WDHD1: variants seen among roughly 807,000 people sequenced by gnomAD.
WDHD1 encodes WD repeat and HMG-box DNA-binding protein 1.
In WDHD1, 111 loss-of-function variants were observed where a neutral mutation model predicts 135.4. The ratio of observed to expected loss-of-function variants is 0.82; its 90% CI spans 0.70 to 0.96. The LOEUF is 0.96. Among genes scored for constraint, WDHD1 ranks in the 40% least tolerant of loss-of-function variants. The pLI is 0.00. For missense variants in WDHD1, 1,351 were observed against 1,336.3 expected, an observed-to-expected ratio of 1.01 and a Z score of -0.17; for synonymous variants, 434 against 439.0, an observed-to-expected ratio of 0.99 and a Z score of 0.14.
At chr14:54,985,464 C>A (rs1161342875) in intron 14 of WDHD1, among the ~76,000 whole-genome samples, 1 of 152,088 alleles carries the variant, frequency 6.6e-6, no homozygotes, top group African/African-American at 2.4e-5. Flanking sequence ...ATGGCCAGAA[C>A]ATGGTAATGA....
intron 11 of WDHD1, among the ~76,000 whole-genome samples, chr14:54,995,151 T>A (rs1336457447): frequency 4.6e-5 from 7 of 152,038 alleles, no homozygotes; most frequent in African/African-American, 1.7e-4. Flanking sequence ...CCAGCTAATT[T>A]TTGTATTTTT....
At chr14:55,005,180 G>C (rs528863605) in intron 7 of WDHD1, 7 of 540,312 alleles carry the variant, frequency 1.3e-5, no homozygotes, top group African/African-American at 1.1e-4. Context: ...CAATCCCACT[G>C]AGTGAGCTCC....
rs111421531 is a variant in WDHD1, at chr14:55,013,893, C to A, written c.78-297G>T. On this transcript the variant is annotated intron_variant, in intron 2 of 25. Transcript: ENST00000360586. The stretch of plus-strand genomic sequence containing the variant: ...CTGCACTCCAGCCTGGGCAACAGAG[C>A]AAGACTCTATCTCAAGGAAAAAAAA... Among the ~76,000 whole-genome samples the A allele has an allele frequency of 6.4e-3, 977 of 151,796 alleles. 12 individuals are homozygous for A. The highest frequency in any genetic ancestry group is 0.022 in the African/African-American group (912 of 41,396).
In WDHD1 at chr14:54,941,517, TA is replaced by T. The variant is rs1460225815; in HGVS notation, c.3362del (p.Leu1121HisfsTer14). On this transcript the variant is annotated frameshift_variant, in exon 26 of 26. Transcript: ENST00000360586. LOFTEE classifies it high-confidence loss of function. ...ACTCCTGCTTAAATGCAAAAGCTGA[TA>T]GTTTCTGATTTGTAGAAAAATCTAA... ...KPLDFSTNQK[L>X]SAFAFKQE The T allele has an allele frequency of 6.2e-7, 1 of 1,612,478 alleles. No individual in the cohort carries two copies. The highest frequency in any genetic ancestry group is 2.2e-5 in the East Asian group (1 of 44,860).
At chr14:54,982,427 T>C (rs564962985) in intron 15 of WDHD1, among the ~76,000 whole-genome samples, 1 of 152,334 alleles carries the variant, frequency 6.6e-6, no homozygotes, top group Non-Finnish European at 1.5e-5. Flanking sequence ...ACGAAATTTA[T>C]CTTTAGTACT....
At chr14:55,020,650 G>T (rs1010379931) in intron 2 of WDHD1, among the ~76,000 whole-genome samples, 1 of 152,096 alleles carries the variant, frequency 6.6e-6, no homozygotes, top group African/African-American at 2.4e-5. Context: ...CCTCAACCCT[G>T]AACTCTGGAA....
intron 10 of WDHD1, among the ~76,000 whole-genome samples, chr14:54,998,457 GT>G (rs770808195): frequency 6.6e-6 from 1 of 151,866 alleles, no homozygotes; most frequent in Non-Finnish European, 1.5e-5. Flanking sequence ...TTCACTTTTT[GT>G]TTTTACCAAT....
intron 12 of WDHD1, 85 bp from the exon 13 acceptor site, chr14:54,989,297 T>C: frequency 2.1e-6 from 2 of 957,744 alleles, no homozygotes; most frequent in Non-Finnish European, 3.0e-6. Context: ...AATTAACAAA[T>C]ATTATAATTA....
At chr14:55,007,416 TC>T (rs778772865) in intron 6 of WDHD1, 41 bp from the exon 7 acceptor site, 71 of 1,412,256 alleles carry the variant, frequency 5.0e-5, no homozygotes, top group Middle Eastern at 2.0e-4. Context: ...TTTATGAAAA[TC>T]CCCCCCAAAA....
intron 24 of WDHD1, among the ~76,000 whole-genome samples, chr14:54,954,969 T>A (rs960586593): frequency 6.6e-6 from 1 of 152,212 alleles, no homozygotes; most frequent in Non-Finnish European, 1.5e-5. Flanking sequence ...CCTCAGATGA[T>A]CCGCCTGCTT....
At chr14:54,988,657 G>A (rs2041732911) in intron 13 of WDHD1, among the ~76,000 whole-genome samples, 1 of 151,226 alleles carries the variant, frequency 6.6e-6, no homozygotes, top group Non-Finnish European at 1.5e-5. Flanking sequence ...ATTCTGGGAG[G>A]AGTTTTCATT....
At chr14:55,002,284 T>G in intron 7 of WDHD1, 99 bp from the exon 8 acceptor site, 2 of 837,980 alleles carry the variant, frequency 2.4e-6, no homozygotes, top group Non-Finnish European at 3.7e-6. Flanking sequence ...TTACAAGACA[T>G]AAAAGCAAAT....
rs543662972 is a variant in WDHD1 at position 55,008,676 on chromosome 14, G to T, written c.385C>A (p.Gln129Lys). The T allele has an allele frequency of 2.5e-6, 4 of 1,613,430 alleles. No homozygotes were observed. In the South Asian group the frequency reaches 4.4e-5, roughly 18 times the overall value. ...KIVDVMDSSQQKTFRGHDAPV... is the reference protein window; with the variant it reads ...KIVDVMDSSQKKTFRGHDAPV... ...GCATCATGTCCTCGAAATGTTTTCTGTTGGCTGCTATCCATCACATCCACA... is the reference window on the plus strand; with the variant it reads ...GCATCATGTCCTCGAAATGTTTTCTTTTGGCTGCTATCCATCACATCCACA... The change falls in exon 5 of 26, where the codon CAG becomes AAG. Residue 129 changes from glutamine (Q) to lysine (K), a missense_variant. Gln to Lys is a moderately conservative substitution (Grantham distance 53). Coordinates refer to ENST00000360586, the MANE Select transcript of WDHD1 (RefSeq NM_007086.4).
Position 55,008,675 on chromosome 14 carries a change from T to C in WDHD1, c.386A>G (p.Gln129Arg). 6.2e-7 allele frequency: 1 copy of C among 1,613,634 alleles called. No homozygotes were observed. The highest frequency in any genetic ancestry group is 8.5e-7 in the Non-Finnish European group (1 of 1,179,904). ...GGCATCATGTCCTCGAAATGTTTTC[T>C]GTTGGCTGCTATCCATCACATCCAC... ...KIVDVMDSSQQKTFRGHDAPV... is the reference protein window; with the variant it reads ...KIVDVMDSSQRKTFRGHDAPV... The change falls in exon 5 of 26, where the codon CAG becomes CGG. Residue 129 changes from glutamine (Q) to arginine (R), a missense_variant. Gln to Arg is a conservative substitution (Grantham distance 43, BLOSUM62 1). Transcript: ENST00000360586.
chr14:54,943,810 A>G (rs2040875825), intron 25 of WDHD1, among the ~76,000 whole-genome samples: 1 of 152,012 alleles, frequency 6.6e-6, no homozygotes, highest in Admixed American at 6.6e-5. Flanking sequence ...TTAACCATCC[A>G]GCCTGGGCAA....
chr14:55,012,871 T>C (rs1566742723), intron 3 of WDHD1, among the ~76,000 whole-genome samples: 1 of 152,122 alleles, frequency 6.6e-6, no homozygotes, highest in Non-Finnish European at 1.5e-5. Context: ...CCCACCACTG[T>C]TATGTTGGGG....
chr14:55,006,618 T>C (rs1450913422), intron 7 of WDHD1, among the ~76,000 whole-genome samples: 4 of 152,216 alleles, frequency 2.6e-5, no homozygotes, highest in African/African-American at 9.6e-5. Flanking sequence ...AAATTTCTCA[T>C]ATCTTTCTGT....
At chr14:55,008,202 C>G in intron 6 of WDHD1, 114 bp downstream of exon 6, 1 of 1,031,826 alleles carries the variant, frequency 9.7e-7, no homozygotes, top group Non-Finnish European at 1.4e-6. Context: ...TTTAATGGTA[C>G]CAAAGAAACA....
rs1362316879 is a variant in WDHD1, at chr14:54,966,625, T to C, written c.2179-19A>G. 2.2e-5 allele frequency: 35 copies of C among 1,592,912 alleles called. No homozygotes were observed. Among genetic ancestry groups the C allele is most frequent in the Non-Finnish European group, 3.0e-5 (35 of 1,172,516 alleles). On this transcript the variant is annotated intron_variant, in intron 17 of 25. Transcript: ENST00000360586. ...ATTGCTCCTATAAAAGCAAATAAAA[T>C]TGCTTAAGGCCAACTATCACCTTAA...
Sources: gnomAD v4.1 joint callset for allele counts (sites outside exome capture counted in the v4.1 genomes callset) on GRCh38, gnomAD v4.1.1 for gene constraint, MANE v1.5 for transcripts, NCBI Gene and HGNC (gene_info 2026-07-23, HGNC 2026-07-21) for gene names.